Variants in LAPTM4B observed in about 807,000 individuals in gnomAD.
LAPTM4B encodes the protein lysosomal protein transmembrane 4 beta.
A neutral mutation model predicts 28.5 loss-of-function variants in LAPTM4B; 26 were observed. That is an observed-to-expected ratio of 0.91 (90% confidence interval 0.67 to 1.27). The LOEUF is 1.27. Among genes scored for constraint, LAPTM4B ranks in the 50% most tolerant of loss-of-function variants. The pLI is 0.00. For missense variants in LAPTM4B, 288 were observed against 285.8 expected, an observed-to-expected ratio of 1.01 and a Z score of -0.06; for synonymous variants, 109 against 106.4, an observed-to-expected ratio of 1.02 and a Z score of -0.15.
intron 1 of LAPTM4B, among the ~76,000 whole-genome samples, chr8:97,804,251 A>G (rs1005755540): frequency 1.3e-5 from 2 of 152,178 alleles, no homozygotes; most frequent in African/African-American, 4.8e-5. Context: ...TGCCTCACTT[A>G]AACTCTGCAA....
At chr8:97,809,462 G>A (rs1435672393) in intron 2 of LAPTM4B, among the ~76,000 whole-genome samples, 1 of 152,190 alleles carries the variant, frequency 6.6e-6, no homozygotes, top group African/African-American at 2.4e-5. Context: ...CACTTTGGGA[G>A]GCCAAAGTGG....
intron 2 of LAPTM4B, among the ~76,000 whole-genome samples, chr8:97,813,460 G>A (rs369484265): frequency 4.3e-5 from 2 of 46,812 alleles, no homozygotes; most frequent in African/African-American, 1.2e-4. Context: ...GTGGGTCTTC[G>A]TCTCCCAGTC....
intron 1 of LAPTM4B, among the ~76,000 whole-genome samples, chr8:97,796,941 A>G (rs7816133): frequency 0.47 from 70,912 of 151,676 alleles, 17,018 homozygotes; most frequent in African/African-American, 0.56. Context: ...CTCTATCTCA[A>G]TAAATAAATA....
chr8:97,797,867 G>A (rs1816615210), intron 1 of LAPTM4B, among the ~76,000 whole-genome samples: 1 of 152,068 alleles, frequency 6.6e-6, no homozygotes, highest in Non-Finnish European at 1.5e-5. Flanking sequence ...GACAGAAGTT[G>A]GATTTATTTA....
At chr8:97,838,326 G>C (rs1817292769) in intron 6 of LAPTM4B, among the ~76,000 whole-genome samples, 1 of 152,208 alleles carries the variant, frequency 6.6e-6, no homozygotes, top group South Asian at 2.1e-4. Context: ...TGAGGGTTGA[G>C]TGACTGCATT....
chr8:97,822,528 TTTTATTTATTTA>T (rs57772211), intron 5 of LAPTM4B, among the ~76,000 whole-genome samples: 50 of 143,422 alleles, frequency 3.5e-4, no homozygotes, highest in South Asian at 2.1e-3. Flanking sequence ...ATGACTTCTA[TTTTATTTATTTA>T]TTTATTTATT....
chr8:97,833,623 A>G (rs752412817), intron 6 of LAPTM4B, among the ~76,000 whole-genome samples: 2 of 152,140 alleles, frequency 1.3e-5, no homozygotes, highest in African/African-American at 4.8e-5. Flanking sequence ...CATGCCTCTC[A>G]TGTAGTCTTC....
chr8:97,801,983 A>G (rs1816690768), intron 1 of LAPTM4B, among the ~76,000 whole-genome samples: 1 of 152,216 alleles, frequency 6.6e-6, no homozygotes, highest in African/African-American at 2.4e-5. Context: ...GTTGTAACAG[A>G]AAGTTTTCTT....
chr8:97,781,411 G>T (rs1027557204), intron 1 of LAPTM4B, among the ~76,000 whole-genome samples: 1 of 149,180 alleles, frequency 6.7e-6, no homozygotes, highest in African/African-American at 2.5e-5. Context: ...CCAAGTAGCT[G>T]GTATTACAGG....
intron 1 of LAPTM4B, among the ~76,000 whole-genome samples, chr8:97,792,699 C>T (rs1290463812): frequency 6.6e-6 from 1 of 152,126 alleles, no homozygotes; most frequent in Non-Finnish European, 1.5e-5. Flanking sequence ...TCTGTTTCAG[C>T]CTCCCAAGTA....
At chr8:97,838,640 A>G (rs1817298322) in intron 6 of LAPTM4B, among the ~76,000 whole-genome samples, 2 of 152,164 alleles carry the variant, frequency 1.3e-5, no homozygotes, top group Non-Finnish European at 2.9e-5. Context: ...ACCTCCTCCT[A>G]ACTGTTGTCC....
intron 6 of LAPTM4B, among the ~76,000 whole-genome samples, chr8:97,844,207 C>T (rs1296169266): frequency 6.6e-6 from 1 of 152,008 alleles, no homozygotes; most frequent in Non-Finnish European, 1.5e-5. Context: ...ATCCTCCTAC[C>T]CCAGTCTCCC....
intron 1 of LAPTM4B, among the ~76,000 whole-genome samples, chr8:97,801,965 G>C (rs769515495): frequency 6.6e-6 from 1 of 151,966 alleles, no homozygotes; most frequent in Non-Finnish European, 1.5e-5. Flanking sequence ...GCTCCTTTAA[G>C]CCTTGGAGTT....
chr8:97,843,471 G>A (rs1166229540), intron 6 of LAPTM4B, among the ~76,000 whole-genome samples: 1 of 152,140 alleles, frequency 6.6e-6, no homozygotes, highest in African/African-American at 2.4e-5. Flanking sequence ...ACAAACTATA[G>A]TGGAAAATAA....
chr8:97,815,538 G>A (rs556965261), intron 3 of LAPTM4B, 137 bp downstream of exon 3: 4 of 692,002 alleles, frequency 5.8e-6, no homozygotes, highest in Non-Finnish European at 9.7e-6. Flanking sequence ...TGTATTATGT[G>A]GTACTAGGAA....
chr8:97,794,698 CTTTTA>C (rs1816554005), intron 1 of LAPTM4B, among the ~76,000 whole-genome samples: 3 of 152,062 alleles, frequency 2.0e-5, no homozygotes, highest in Admixed American at 2.0e-4. Flanking sequence ...CCATTAATAG[CTTTTA>C]TTTTATTTTA....
At chr8:97,850,128 T>C (rs1351444084) in intron 6 of LAPTM4B, among the ~76,000 whole-genome samples, 1 of 151,850 alleles carries the variant, frequency 6.6e-6, no homozygotes, top group Non-Finnish European at 1.5e-5. Context: ...AATCTTCTTA[T>C]CCATTAGTGC....
intron 1 of LAPTM4B, among the ~76,000 whole-genome samples, chr8:97,787,430 C>T (rs561616664): frequency 1.1e-3 from 174 of 152,022 alleles, no homozygotes; most frequent in African/African-American, 3.9e-3. Flanking sequence ...GGACTACAGG[C>T]ACCCGCCACC....
chr8:97,794,654 C>T (rs1330006682), intron 1 of LAPTM4B, among the ~76,000 whole-genome samples: 1 of 152,144 alleles, frequency 6.6e-6, no homozygotes, highest in African/African-American at 2.4e-5. Context: ...TTGATTTGCC[C>T]ATTGAAATTG....
Sources: gnomAD v4.1 joint callset for allele counts (sites outside exome capture counted in the v4.1 genomes callset) on GRCh38, gnomAD v4.1.1 for gene constraint, MANE v1.5 for transcripts, NCBI Gene and HGNC (gene_info 2026-07-23, HGNC 2026-07-21) for gene names.